The following FHOD3 variants were observed in gnomAD, a reference collection of about 807,000 sequenced individuals.
FHOD3 encodes FH1/FH2 domain-containing protein 3.
FHOD3 carries 90 observed loss-of-function variants against 173.0 expected under a neutral mutation model. The ratio of observed to expected loss-of-function variants is 0.52; its 90% CI spans 0.44 to 0.62. FHOD3 has a LOEUF of 0.62. Ranked by LOEUF, FHOD3 falls within the 20% of genes least tolerant of loss-of-function variation. The probability of loss-of-function intolerance (pLI) is 0.00; values close to 1 mark genes in which losing one functional copy is unlikely to be tolerated. For synonymous variants in FHOD3, 828 were observed against 823.0 expected (o/e 1.01, Z -0.10); for missense variants, 1,945 against 2,034.7 (o/e 0.96, Z 0.85).
At chr18:36,709,933 A>T (rs538891708) in intron 18 of FHOD3, 2 of 154,066 alleles carry the variant, frequency 1.3e-5, no homozygotes, top group African/African-American at 4.8e-5. Flanking sequence ...ACTGAGGTCA[A>T]TTTGATGTAC....
At chr18:36,406,407 TA>T (rs2049069468) in intron 3 of FHOD3, among the ~76,000 whole-genome samples, 1 of 152,198 alleles carries the variant, frequency 6.6e-6, no homozygotes, top group Admixed American at 6.5e-5. Flanking sequence ...TCTCAGCGTT[TA>T]TGGGCCTCAA....
At position 36,740,799 on chromosome 18, in the gene FHOD3, C is replaced by T. The variant is rs2041865802; in HGVS notation, c.3720C>T (p.His1240=). The T allele has an allele frequency of 6.2e-7, 1 of 1,613,056 alleles. No homozygotes were observed. Among genetic ancestry groups the T allele is most frequent in the South Asian group, 1.1e-5 (1 of 90,966 alleles). ...TCAGCGAGCTCTCTGCACGACTTCA[C>T]CTCTGGGCATTCAAAATGGATTATG... ...SSISELSARL[H]LWAFKMDYET... is the part of the protein sequence containing the mutation. Residue 1240 remains histidine, a synonymous_variant, in exon 21 of 29, where the codon CAC becomes CAT. Transcript: ENST00000590592.
intron 3 of FHOD3, among the ~76,000 whole-genome samples, chr18:36,448,932 G>GC (rs978378542): frequency 6.6e-6 from 1 of 150,814 alleles, no homozygotes; most frequent in Non-Finnish European, 1.5e-5. Context: ...TCAACCCAGA[G>GC]CCCCCCAGTT....
At chr18:36,638,348 G>A (rs566516428) in intron 10 of FHOD3, among the ~76,000 whole-genome samples, 118 of 152,308 alleles carry the variant, frequency 7.7e-4, no homozygotes, top group Non-Finnish European at 1.2e-3. Context: ...AGGCTGTAGC[G>A]TGTGGCCAGA....
At chr18:36,595,032 C>A (rs750681596) in intron 7 of FHOD3, 134 bp downstream of exon 7, 6 of 600,246 alleles carry the variant, frequency 1.0e-5, no homozygotes, top group Non-Finnish European at 1.7e-5. Flanking sequence ...CTGCAAGAAA[C>A]GTTTTTTAGG....
At chr18:36,500,579 C>T (rs1178980249) in intron 3 of FHOD3, among the ~76,000 whole-genome samples, 1 of 152,214 alleles carries the variant, frequency 6.6e-6, no homozygotes, top group Non-Finnish European at 1.5e-5. Context: ...CTCCATAGTA[C>T]ACATGCTTAA....
intron 28 of FHOD3, among the ~76,000 whole-genome samples, chr18:36,776,721 G>A (rs1040995363): frequency 6.6e-6 from 1 of 152,132 alleles, no homozygotes; most frequent in African/African-American, 2.4e-5. Flanking sequence ...TCACAGCAGA[G>A]GACACATGAG....
intron 5 of FHOD3, among the ~76,000 whole-genome samples, chr18:36,537,164 G>A (rs890980857): frequency 1.3e-5 from 2 of 152,126 alleles, no homozygotes; most frequent in Non-Finnish European, 2.9e-5. Context: ...ACTCCAAACA[G>A]GACACCAACT....
chr18:36,690,940 T>G (rs1434080652), intron 16 of FHOD3, among the ~76,000 whole-genome samples: 2 of 152,194 alleles, frequency 1.3e-5, no homozygotes, highest in African/African-American at 4.8e-5. Context: ...CATTTTTGTC[T>G]AACACATAAA....
chr18:36,343,223 T>G (rs1317527761), intron 1 of FHOD3, among the ~76,000 whole-genome samples: 7 of 152,194 alleles, frequency 4.6e-5, no homozygotes, highest in East Asian at 1.9e-4. Context: ...TATAGTAGTA[T>G]TATTCATAGT....
At chr18:36,375,697 C>A (rs550238992) in intron 3 of FHOD3, among the ~76,000 whole-genome samples, 55 of 152,134 alleles carry the variant, frequency 3.6e-4, no homozygotes, top group Non-Finnish European at 7.2e-4. Flanking sequence ...GCAACCCTCA[C>A]GAAAAATGAA....
At chr18:36,735,325 C>T (rs2041576358) in intron 20 of FHOD3, among the ~76,000 whole-genome samples, 1 of 152,212 alleles carries the variant, frequency 6.6e-6, no homozygotes, top group Admixed American at 6.5e-5. Context: ...CACAGAGGAA[C>T]CTGACCACAG....
At chr18:36,343,467 C>A (rs1313080702) in intron 1 of FHOD3, among the ~76,000 whole-genome samples, 1 of 152,132 alleles carries the variant, frequency 6.6e-6, no homozygotes, top group Non-Finnish European at 1.5e-5. Flanking sequence ...AAATTTGATT[C>A]CTAGTGTTGA....
chr18:36,602,355 G>A (rs2148483700), intron 7 of FHOD3, among the ~76,000 whole-genome samples: 1 of 152,296 alleles, frequency 6.6e-6, no homozygotes, highest in East Asian at 1.9e-4. Flanking sequence ...TAGGCCTACA[G>A]AGTTGCAATG....
chr18:36,742,731 T>C lies in FHOD3; in HGVS notation c.3760-6T>C. On this transcript the variant is annotated splice_polypyrimidine_tract_variant and splice_region_variant and intron_variant, in intron 21 of 28. Coordinates refer to ENST00000590592, the MANE Select transcript of FHOD3 (RefSeq NM_001281740.3). ...CTTTATTGTCTAATTTTTTTTTAAC[T>C]GAAAGGAAGTAGCAGAACCACTCCT... 1 of 1,598,922 alleles carries C rather than the reference T, an allele frequency of 6.3e-7. No homozygotes were observed. Among genetic ancestry groups the C allele is most frequent in the Non-Finnish European group, 8.5e-7 (1 of 1,176,214 alleles).
intron 2 of FHOD3, among the ~76,000 whole-genome samples, chr18:36,365,488 T>C (rs1020207516): frequency 6.6e-6 from 1 of 151,900 alleles, no homozygotes; most frequent in African/African-American, 2.4e-5. Context: ...AGGGACAGAG[T>C]AGATTGGTGG....
intron 3 of FHOD3, among the ~76,000 whole-genome samples, chr18:36,493,213 CTTT>C (rs60189688): frequency 2.1e-4 from 29 of 138,134 alleles, no homozygotes; most frequent in Non-Finnish European, 2.2e-4. Context: ...TTTTCTTTTT[CTTT>C]TTTTTTTTTT....
chr18:36,619,394 G>A (rs964251275), intron 9 of FHOD3, among the ~76,000 whole-genome samples: 4 of 152,026 alleles, frequency 2.6e-5, no homozygotes, highest in Admixed American at 1.3e-4. Flanking sequence ...AATTCTGAAC[G>A]GACTCTTCAT....
chr18:36,696,851 C>T (rs1168079218), intron 17 of FHOD3, among the ~76,000 whole-genome samples: 1 of 152,176 alleles, frequency 6.6e-6, no homozygotes, highest in African/African-American at 2.4e-5. Flanking sequence ...AGTCAGCCAG[C>T]CCAAAGTTTG....
Sources: allele counts gnomAD v4.1 joint callset (sites outside exome capture counted in the v4.1 genomes callset), GRCh38; gene constraint gnomAD v4.1.1; transcripts MANE v1.5; gene names NCBI Gene and HGNC (gene_info 2026-07-23, HGNC 2026-07-21).